SNX24: variants seen among roughly 807,000 people sequenced by gnomAD.
The protein encoded by SNX24 is sorting nexin 24, also known as sorting nexin-24.
In SNX24, 22 loss-of-function variants were observed where a neutral mutation model predicts 28.7. The observed-to-expected ratio is 0.77, with a 90% CI of 0.55 to 1.10. SNX24 has a LOEUF of 1.10. Among genes scored for constraint, SNX24 ranks in the 50% least tolerant of loss-of-function variants. The pLI, the probability that SNX24 is intolerant of heterozygous loss-of-function variation, is 0.00. For missense variants in SNX24, 221 were observed against 201.1 expected (o/e 1.10, Z -0.60); for synonymous variants, 69 against 71.5 (o/e 0.96, Z 0.18).
intron 1 of SNX24, among the ~76,000 whole-genome samples, chr5:122,927,430 T>TG (rs1491212785): frequency 1.3e-5 from 2 of 152,308 alleles, no homozygotes; most frequent in East Asian, 3.9e-4. Flanking sequence ...TGGGAAAATT[T>TG]GTGCTGAGTT....
intron 2 of SNX24, among the ~76,000 whole-genome samples, chr5:122,939,736 A>G (rs974035678): frequency 1.3e-5 from 2 of 152,216 alleles, no homozygotes; most frequent in African/African-American, 2.4e-5. Flanking sequence ...GTACTGAATT[A>G]GAATCTTTGT....
intron 3 of SNX24, among the ~76,000 whole-genome samples, chr5:122,984,437 A>G (rs1273584428): frequency 1.3e-5 from 2 of 152,178 alleles, no homozygotes; most frequent in Non-Finnish European, 2.9e-5. Flanking sequence ...ATTAACCCCA[A>G]CTGCACTGAA....
intron 6 of SNX24, among the ~76,000 whole-genome samples, chr5:123,006,727 G>T (rs116039859): frequency 0.012 from 1,891 of 152,164 alleles, 24 homozygotes; most frequent in African/African-American, 0.03. Context: ...AACCCTCCAG[G>T]CTCCCTCTGG....
chr5:122,981,452 CATAGCATAAA>C (rs1198668364), intron 3 of SNX24, among the ~76,000 whole-genome samples: 2 of 152,162 alleles, frequency 1.3e-5, no homozygotes, highest in African/African-American at 4.8e-5. Context: ...GTATAATTTA[CATAGCATAAA>C]ATGCACATAT....
Position 123,018,906 on chromosome 5 carries a change from C to T in SNX24, n.384-10332C>T, listed in dbSNP as rs1256314804. Among the ~76,000 whole-genome samples the T allele has an allele frequency of 3.9e-5, 6 of 152,272 alleles. No individual in the cohort carries two copies. The South Asian group carries it at 6.2e-4, about 16-fold the overall frequency. ...TTCACCATATTGGCCAGGCTGGTCT[C>T]GAACTCCTGACCTTGTGATCCGCCC... On this transcript the variant is annotated intron_variant and non_coding_transcript_variant, in intron 5 of 5. Transcript: ENST00000502387.
At chr5:123,025,966 C>T in intron 5 of SNX24, 1 of 1,583,260 alleles carries the variant, frequency 6.3e-7, no homozygotes, top group Non-Finnish European at 8.6e-7. Flanking sequence ...TAGATGCTCA[C>T]ACCTGAGACA....
intron 5 of SNX24, chr5:123,023,771 G>GT: frequency 1.5e-6 from 2 of 1,320,548 alleles, no homozygotes; most frequent in African/African-American, 1.7e-5. Context: ...CAAAAAGAAA[G>GT]TAAAAAAAAA....
intron 1 of SNX24, among the ~76,000 whole-genome samples, chr5:122,873,255 A>G (rs902805519): frequency 1.3e-5 from 2 of 152,138 alleles, no homozygotes; most frequent in African/African-American, 2.4e-5. Context: ...GATTTCCGGC[A>G]TGAGACCATA....
chr5:122,951,276 AAAAAAAGAAAAAG>A (rs1156683217), intron 3 of SNX24, among the ~76,000 whole-genome samples: 3 of 150,368 alleles, frequency 2.0e-5, no homozygotes, highest in Non-Finnish European at 4.4e-5. Context: ...CAAAAAAAAA[AAAAAAAGAAAAAG>A]AAAAGAAAAT....
intron 1 of SNX24, among the ~76,000 whole-genome samples, chr5:122,897,025 G>A (rs376105269): frequency 1.4e-4 from 21 of 152,296 alleles, no homozygotes; most frequent in South Asian, 6.2e-4. Context: ...GCAGATGTGA[G>A]CTTTCCTCTT....
chr5:122,984,836 G>A (rs1761528919), intron 3 of SNX24, among the ~76,000 whole-genome samples: 1 of 152,106 alleles, frequency 6.6e-6, no homozygotes, highest in Admixed American at 6.5e-5. Flanking sequence ...TAGGATAATA[G>A]GATTTAAAAA....
At chr5:123,021,162 C>T (rs1036346419) in intron 5 of SNX24, among the ~76,000 whole-genome samples, 1 of 151,950 alleles carries the variant, frequency 6.6e-6, no homozygotes, top group Non-Finnish European at 1.5e-5. Flanking sequence ...CGCTGACCAC[C>T]CCTTCACTGT....
intron 1 of SNX24, among the ~76,000 whole-genome samples, chr5:122,908,827 A>C (rs1757757564): frequency 6.6e-6 from 1 of 152,168 alleles, no homozygotes; most frequent in Non-Finnish European, 1.5e-5. Context: ...TGCTGAGTGA[A>C]AAAGCAAGAG....
At chr5:122,968,388 C>T (rs1298634986) in intron 3 of SNX24, among the ~76,000 whole-genome samples, 5 of 152,132 alleles carry the variant, frequency 3.3e-5, no homozygotes, top group Admixed American at 2.6e-4. Flanking sequence ...AATTTTTAGC[C>T]TGTTTAAAAT....
At chr5:122,905,081 A>G (rs1322827358) in intron 1 of SNX24, among the ~76,000 whole-genome samples, 1 of 152,160 alleles carries the variant, frequency 6.6e-6, no homozygotes, top group Non-Finnish European at 1.5e-5. Context: ...GTATGTTAGA[A>G]TGTATTGTGT....
chr5:123,001,318 A>C lies in SNX24; in HGVS notation c.345-87A>C, dbSNP rs913494169. 4 of 838,726 alleles carry C rather than the reference A, an allele frequency of 4.8e-6. No homozygotes were observed. In the Admixed American group the frequency reaches 8.4e-5, roughly 18 times the overall value. 52.0% of individuals were successfully genotyped at this position (838,726 alleles called of 1,614,324 possible). A position where few individuals can be genotyped will look rare whatever the true frequency, so the allele number is the denominator to read the frequency against. On this transcript the variant is annotated intron_variant, in intron 4 of 6. Transcript: ENST00000261369. The stretch of plus-strand genomic sequence containing the variant: ...ATAACTACCAATTCAGTCATCTAAT[A>C]ATATTGGGTATTTTTTCCTTTGTTG...
At chr5:122,956,383 CACACACACA>C (rs1760216983) in intron 3 of SNX24, among the ~76,000 whole-genome samples, 1 of 149,004 alleles carries the variant, frequency 6.7e-6, no homozygotes, top group African/African-American at 2.5e-5. Flanking sequence ...CACACACACA[CACACACACA>C]CACACACACA....
intron 5 of SNX24, among the ~76,000 whole-genome samples, chr5:123,027,058 G>A (rs1202277470): frequency 6.6e-6 from 1 of 152,132 alleles, no homozygotes; most frequent in Non-Finnish European, 1.5e-5. Context: ...GCCGGGCATG[G>A]TGGCGGGCGC....
intron 3 of SNX24, among the ~76,000 whole-genome samples, chr5:122,993,244 G>C (rs1761927218): frequency 6.7e-6 from 1 of 149,510 alleles, no homozygotes; most frequent in African/African-American, 2.5e-5. Context: ...GAGCACATCT[G>C]ATTTTTATTT....
Sources: allele counts gnomAD v4.1 joint callset (sites outside exome capture counted in the v4.1 genomes callset), GRCh38; gene constraint gnomAD v4.1.1; transcripts MANE v1.5; gene names NCBI Gene and HGNC (gene_info 2026-07-23, HGNC 2026-07-21).